The following KIF1A variants were observed in gnomAD, a reference collection of about 807,000 sequenced individuals.
KIF1A encodes kinesin family member 1A.
A neutral mutation model predicts 227.3 loss-of-function variants in KIF1A; 46 were observed. That is an observed-to-expected ratio of 0.20 (90% CI 0.16 to 0.26). The LOEUF is 0.26. KIF1A is among the 10% of genes least tolerant of loss of function. The pLI, the probability that KIF1A is intolerant of heterozygous loss-of-function variation, is 1.00. For synonymous variants in KIF1A, 1,022 were observed against 1,012.8 expected, an observed-to-expected ratio of 1.01 and a Z score of -0.17; for missense variants, 1,683 against 2,485.9, an observed-to-expected ratio of 0.68 and a Z score of 6.87.
chr2:240,720,738 C>A (rs2045250782), intron 45 of KIF1A, 176 bp downstream of exon 45: 1 of 652,836 alleles, frequency 1.5e-6, no homozygotes, highest in Non-Finnish European at 2.5e-6. Context: ...GGCACAGGCA[C>A]CCTCTGAGAG....
At chr2:240,782,225 T>C (rs569279457) in intron 10 of KIF1A, 1 of 983,136 alleles carries the variant, frequency 1.0e-6, no homozygotes, top group Non-Finnish European at 1.2e-6. Flanking sequence ...CCAGCACGCC[T>C]GTCACCCGCT....
At chr2:240,735,876 C>T (rs2047256223) in intron 38 of KIF1A, among the ~76,000 whole-genome samples, 1 of 152,074 alleles carries the variant, frequency 6.6e-6, no homozygotes. Context: ...GGATTCTCCA[C>T]CCTCCTATGG....
chr2:240,751,904 C>T (rs906587209), intron 27 of KIF1A, among the ~76,000 whole-genome samples: 5 of 152,174 alleles, frequency 3.3e-5, no homozygotes, highest in Non-Finnish European at 7.4e-5. Flanking sequence ...GAATCCCAGT[C>T]ACTGTCAGGA....
chr2:240,786,265 G>A, intron 6 of KIF1A, 70 bp downstream of exon 6: 1 of 1,479,428 alleles, frequency 6.8e-7, no homozygotes, highest in Non-Finnish European at 9.4e-7. Context: ...GGACCGAGGT[G>A]AAGGGGCTTC....
chr2:240,795,337 T>C (rs734586), intron 2 of KIF1A, among the ~76,000 whole-genome samples: 82,711 of 152,056 alleles, frequency 0.54, 23,940 homozygotes, highest in African/African-American at 0.75. Context: ...CAGGTTTCAA[T>C]CCCACTGGCT....
intron 11 of KIF1A, 60 bp from the exon 12 acceptor site, chr2:240,774,321 CTCCCCCCT>C: frequency 8.8e-7 from 1 of 1,134,172 alleles, no homozygotes; most frequent in Non-Finnish European, 1.3e-6. Context: ...GCTATGTCTG[CTCCCCCCT>C]TCCCCCCACA....
At chr2:240,767,584 C>G (rs1249113339) in intron 17 of KIF1A, among the ~76,000 whole-genome samples, 1 of 152,290 alleles carries the variant, frequency 6.6e-6, no homozygotes, top group Non-Finnish European at 1.5e-5. Flanking sequence ...CCCGCATACA[C>G]CCAAGCCTGG....
chr2:240,763,036 G>A lies in KIF1A; in HGVS notation c.2005C>T (p.Leu669=). 2.6e-6 allele frequency: 4 copies of A among 1,521,300 alleles called. No homozygotes were observed. Among genetic ancestry groups the A allele is most frequent in the Non-Finnish European group, 3.5e-6 (4 of 1,136,426 alleles). 94.2% of individuals were successfully genotyped at this position (1,521,300 alleles called of 1,614,324 possible). Residue 669 remains leucine (L), a synonymous_variant, in exon 22 of 49, where the codon CTG becomes TTG. Coordinates refer to ENST00000498729, the MANE Select transcript of KIF1A (RefSeq NM_001244008.2). ...TCACTCACCAGCCGCTGCTGCTCCA[G>A]CAGGTAGGTGGCCTCCTCCCGCTCG... ...RREREEATYL[L]EQQRLDYESK... is the part of the protein sequence containing the mutation.
chr2:240,721,211 GC>G (rs1442232401), intron 44 of KIF1A, among the ~76,000 whole-genome samples, 173 bp from the exon 45 acceptor site: 1 of 152,074 alleles, frequency 6.6e-6, no homozygotes, highest in Non-Finnish European at 1.5e-5. Flanking sequence ...GCCCCCTCCA[GC>G]CCCTGTGGCC....
intron 1 of KIF1A, among the ~76,000 whole-genome samples, chr2:240,818,312 A>C (rs745891488): frequency 1.3e-5 from 2 of 152,126 alleles, no homozygotes; most frequent in Non-Finnish European, 2.9e-5. Context: ...CCCCGGGTAA[A>C]GGCTGCCCTC....
In KIF1A at chr2:240,747,260, G is replaced by A; in HGVS notation, c.3039C>T (p.Ser1013=). 2 of 1,613,530 alleles carry A rather than the reference G, an allele frequency of 1.2e-6. No individual in the cohort carries two copies. Among genetic ancestry groups the A allele is most frequent in the Non-Finnish European group, 1.7e-6 (2 of 1,179,628 alleles). ...GVRQSGTAKI[S]FDDQHFEKFQ... The stretch of plus-strand genomic sequence containing the variant: ...CCTTTTCAAAATGCTGGTCATCAAA[G>A]GAGATTTTAGCAGTTCCCGACTGGC... The change falls in exon 29 of 49, where the codon TCC becomes TCT. Residue 1013 remains serine (S), a synonymous_variant. Transcript: ENST00000498729.
rs1231846454 is a variant in KIF1A at position 240,758,500 on chromosome 2, G to T, written c.2445-3C>A. The T allele has an allele frequency of 6.4e-7, 1 of 1,567,024 alleles. No homozygotes were observed. Among genetic ancestry groups the T allele is most frequent in the South Asian group, 1.2e-5 (1 of 83,362 alleles). On this transcript the variant is annotated splice_region_variant and splice_polypyrimidine_tract_variant and intron_variant, in intron 25 of 48. Coordinates refer to ENST00000498729, the MANE Select transcript of KIF1A (RefSeq NM_001244008.2). The surrounding 1 kb of genome is among the most constrained non-coding windows in gnomAD (Gnocchi z 5.2). Reference sequence around the variant, plus strand: ...CCCGCATCAGGTCCAGACGCTGCCTGCAGGGACGGCAGGGGTCAATGTGGA... The same window carrying T: ...CCCGCATCAGGTCCAGACGCTGCCTTCAGGGACGGCAGGGGTCAATGTGGA...
rs773804422 is a variant in KIF1A, at chr2:240,743,926, G to A, written c.3584+16C>T. On this transcript the variant is annotated intron_variant, in intron 33 of 48. Transcript: ENST00000498729. ...TGAGGACAGCAGCCCCGAACCCCCCGACCCAGGGCGCTAACCTGAGCACGT... is the reference window on the plus strand; with the variant it reads ...TGAGGACAGCAGCCCCGAACCCCCCAACCCAGGGCGCTAACCTGAGCACGT... 78 of 1,571,160 alleles carry A rather than the reference G, an allele frequency of 5.0e-5. No homozygotes were observed. The highest frequency in any genetic ancestry group is 5.4e-5 in the African/African-American group (4 of 74,050).
At chr2:240,745,168 G>C (rs1195368397) in intron 32 of KIF1A, among the ~76,000 whole-genome samples, 1 of 152,094 alleles carries the variant, frequency 6.6e-6, no homozygotes, top group Non-Finnish European at 1.5e-5. Context: ...ACCTGCATCC[G>C]GCTCCCCATC....
chr2:240,738,956 G>C (rs1049936507), intron 37 of KIF1A, among the ~76,000 whole-genome samples: 2 of 152,252 alleles, frequency 1.3e-5, no homozygotes, highest in African/African-American at 4.8e-5. Context: ...AACCAGCTGT[G>C]TATTTGCTTA....
intron 1 of KIF1A, among the ~76,000 whole-genome samples, chr2:240,800,525 G>A (rs1397360206): frequency 6.6e-6 from 1 of 152,226 alleles, no homozygotes; most frequent in African/African-American, 2.4e-5. Context: ...CTGCGCACGG[G>A]GCAAGAGACT....
At chr2:240,729,204 C>A (rs2125651250) in intron 38 of KIF1A, among the ~76,000 whole-genome samples, 1 of 152,192 alleles carries the variant, frequency 6.6e-6, no homozygotes, top group Admixed American at 6.5e-5. Flanking sequence ...CCAGCCCTGT[C>A]TCTCCTGCTG....
chr2:240,718,704 C>G (rs1271154037), intron 47 of KIF1A, among the ~76,000 whole-genome samples: 1 of 152,208 alleles, frequency 6.6e-6, no homozygotes, highest in Non-Finnish European at 1.5e-5. Context: ...CCTTGGGTGA[C>G]TCCGGAGGAG....
At chr2:240,729,948 T>A (rs2046418904) in intron 38 of KIF1A, among the ~76,000 whole-genome samples, 1 of 152,152 alleles carries the variant, frequency 6.6e-6, no homozygotes, top group Admixed American at 6.5e-5. Context: ...AAACTGCTGG[T>A]CAGCCCCAGA....
Sources: gnomAD v4.1 joint callset for allele counts (sites outside exome capture counted in the v4.1 genomes callset) on GRCh38, gnomAD v4.1.1 for gene constraint, Gnocchi (gnomAD v3.1) non-coding constraint, MANE v1.5 for transcripts, NCBI Gene and HGNC (gene_info 2026-07-23, HGNC 2026-07-21) for gene names.